The following FAM114A2 variants were observed in gnomAD, a reference collection of about 807,000 sequenced individuals.
FAM114A2 encodes protein FAM114A2.
Under a neutral mutation model 58.4 loss-of-function variants are expected in FAM114A2, and 53 were observed. The observed-to-expected ratio is 0.91, with a 90% confidence interval of 0.73 to 1.14. The LOEUF is 1.14. Ranked by LOEUF, FAM114A2 falls within the 50% of genes most tolerant of loss-of-function variation. The pLI, the probability that FAM114A2 is intolerant of heterozygous loss-of-function variation, is 0.00. For missense variants in FAM114A2, 601 were observed against 581.1 expected, an observed-to-expected ratio of 1.03 and a Z score of -0.35; for synonymous variants, 228 against 211.4, an observed-to-expected ratio of 1.08 and a Z score of -0.68.
At chr5:154,000,811 T>C (rs1019638058) in intron 11 of FAM114A2, among the ~76,000 whole-genome samples, 5 of 152,154 alleles carry the variant, frequency 3.3e-5, no homozygotes, top group Admixed American at 2.6e-4. Context: ...AAAATACATT[T>C]TAAGGAGACA....
At chr5:154,008,048 A>G (rs1371310097) in intron 9 of FAM114A2, among the ~76,000 whole-genome samples, 11 of 152,242 alleles carry the variant, frequency 7.2e-5, no homozygotes, top group Admixed American at 3.9e-4. Flanking sequence ...TAAGATACAC[A>G]TATTTTTTAA....
At chr5:154,038,740 C>T (rs1772783312) in intron 1 of FAM114A2, 117 bp downstream of exon 1, 1 of 152,444 alleles carries the variant, frequency 6.6e-6, no homozygotes. Flanking sequence ...AGCCCTCGAC[C>T]CTGCCGCGAG....
intron 4 of FAM114A2, 25 bp downstream of exon 4, chr5:154,033,766 G>A (rs1772344083): frequency 7.7e-7 from 1 of 1,303,184 alleles, no homozygotes; most frequent in African/African-American, 1.5e-5. Flanking sequence ...CATAATTCTA[G>A]GTCTTTATGT....
Position 154,002,263 on chromosome 5 carries a change from T to C in FAM114A2, c.1244A>G (p.Gln415Arg), listed in dbSNP as rs1267960052. The change falls in exon 11 of 14, where the codon CAA (glutamine) becomes CGA (arginine). Residue 415 changes from glutamine (Q) to arginine (R), a missense_variant. Physicochemically the swap from Gln to Arg is conservative, Grantham distance 43. Transcript: ENST00000351797. ...KQEVTAIERS[Q>R]TLSQMTIVLC... The stretch of plus-strand genomic sequence containing the variant: ...TCATTACACTTACTGGGAAAGAGTT[T>C]GGCTCCTTTCTATGGCTGTCACTTC... 3.7e-6 allele frequency: 6 copies of C among 1,613,786 alleles called. No individual in the cohort carries two copies. Among genetic ancestry groups the C allele is most frequent in the Non-Finnish European group, 5.1e-6 (6 of 1,179,770 alleles).
intron 4 of FAM114A2, 143 bp from the exon 5 acceptor site, chr5:154,029,723 G>T: frequency 1.3e-5 from 6 of 471,210 alleles, no homozygotes; most frequent in South Asian, 3.4e-5. Flanking sequence ...TAAACCATTT[G>T]CTTATTTTAA....
chr5:153,992,311 C>G lies in FAM114A2; in HGVS notation c.*665G>C, dbSNP rs1461010044. ...TCAGCTATGACATGAAGTGTGTCAT[C>G]CTGGGGAGGGGGAGCAATTTGAAGA... On this transcript the variant is annotated 3_prime_UTR_variant, in exon 14 of 14. Transcript: ENST00000351797. 4 of 152,110 alleles carry G rather than the reference C, an allele frequency of 2.6e-5. No individual in the cohort carries two copies. The East Asian group carries it at 7.7e-4, about 29-fold the overall frequency. 9.4% of individuals were successfully genotyped at this position (152,110 alleles called of 1,614,324 possible).
chr5:154,037,341 A>T (rs941488406), intron 1 of FAM114A2: 5 of 152,262 alleles, frequency 3.3e-5, no homozygotes, highest in African/African-American at 1.2e-4. Context: ...AAACACATAG[A>T]GAAAAAATCC....
intron 4 of FAM114A2, among the ~76,000 whole-genome samples, chr5:154,032,089 T>A (rs1208337120): frequency 6.6e-6 from 1 of 152,230 alleles, no homozygotes; most frequent in Non-Finnish European, 1.5e-5. Flanking sequence ...GTGGATTCAG[T>A]GAACACTGAT....
At chr5:153,997,995 T>A in intron 11 of FAM114A2, 120 bp from the exon 12 acceptor site, 1 of 631,774 alleles carries the variant, frequency 1.6e-6, no homozygotes, top group Non-Finnish European at 2.8e-6. Flanking sequence ...AAGAAAGCTT[T>A]TCAAGGGAGT....
chr5:154,019,749 C>A (rs941798144), intron 8 of FAM114A2, among the ~76,000 whole-genome samples: 6 of 152,180 alleles, frequency 3.9e-5, no homozygotes, highest in African/African-American at 1.2e-4. Context: ...GCCAACTGAT[C>A]TTTCACAAAG....
At chr5:153,994,856 G>T in intron 13 of FAM114A2, 63 bp downstream of exon 13, 1 of 1,067,084 alleles carries the variant, frequency 9.4e-7, no homozygotes, top group Non-Finnish European at 1.4e-6. Context: ...AAAGCAAAAG[G>T]CTTCAGAAGA....
Position 154,038,910 on chromosome 5 carries a change from T to G in FAM114A2, c.-68A>C, listed in dbSNP as rs1336141363. ...ACGGCAGCCGACTCGGCGTTCCTAC[T>G]GCCCCGGAAGTGCTCCTTCAGCGCA... On this transcript the variant is annotated 5_prime_UTR_variant, in exon 1 of 14. Coordinates refer to ENST00000351797, the MANE Select transcript of FAM114A2 (RefSeq NM_018691.4). The G allele has an allele frequency of 6.6e-6, 1 of 152,496 alleles. No individual in the cohort carries two copies. Among genetic ancestry groups the G allele is most frequent in the African/African-American group, 2.4e-5 (1 of 41,460 alleles). 9.4% of individuals were successfully genotyped at this position (152,496 alleles called of 1,614,324 possible).
rs1006906149 is a variant in FAM114A2 at position 153,992,586 on chromosome 5, A to C, written c.*390T>G. 6.4e-6 allele frequency: 1 copy of C among 155,682 alleles called. No homozygotes were observed. The highest frequency in any genetic ancestry group is 2.4e-5 in the African/African-American group (1 of 41,570). 9.6% of individuals were successfully genotyped at this position (155,682 alleles called of 1,614,324 possible). ...CATGCCATGAATTTTAGAACACTAA[A>C]TTATTTTTCTCTGGCTTATCAACCA... On this transcript the variant is annotated 3_prime_UTR_variant, in exon 14 of 14. Coordinates refer to ENST00000351797, the MANE Select transcript of FAM114A2 (RefSeq NM_018691.4).
Position 154,034,822 on chromosome 5 carries a change from TTCTGATTTACTC to T in FAM114A2, c.120_131del (p.Ser41_Glu44del). ...GTCTTTTCCGAGTGGAAACTACAGG[TTCTGATTTACTC>T]TCTGGTTTGGCACCTTGGTCAACAG... On this transcript the variant is annotated inframe_deletion, in exon 2 of 14. Transcript: ENST00000351797. 6.2e-7 allele frequency: 1 copy of T among 1,614,038 alleles called. No individual in the cohort carries two copies. The highest frequency in any genetic ancestry group is 8.5e-7 in the Non-Finnish European group (1 of 1,179,914).
intron 13 of FAM114A2, 151 bp from the exon 14 acceptor site, chr5:153,993,261 A>T: frequency 1.8e-6 from 1 of 548,722 alleles, no homozygotes; most frequent in Non-Finnish European, 3.1e-6. Context: ...ATTTTGGTAA[A>T]CTCTATTATA....
At chr5:154,031,783 C>G (rs1409674614) in intron 4 of FAM114A2, among the ~76,000 whole-genome samples, 1 of 152,210 alleles carries the variant, frequency 6.6e-6, no homozygotes, top group Non-Finnish European at 1.5e-5. Context: ...CAGATTCAAT[C>G]TCTTATAAGA....
At chr5:154,014,335 G>C (rs1292563576) in intron 8 of FAM114A2, among the ~76,000 whole-genome samples, 1 of 152,194 alleles carries the variant, frequency 6.6e-6, no homozygotes, top group African/African-American at 2.4e-5. Context: ...TGGATGGACA[G>C]AGCAGCGCGT....
intron 2 of FAM114A2, 45 bp downstream of exon 2, chr5:154,034,699 C>T (rs58100630): frequency 2.8e-5 from 39 of 1,376,102 alleles, no homozygotes; most frequent in Non-Finnish European, 3.8e-5. Context: ...TTTTTTAATC[C>T]TAATATTTTA....
intron 9 of FAM114A2, among the ~76,000 whole-genome samples, chr5:154,004,954 A>C (rs1025182752): frequency 2.6e-5 from 4 of 152,084 alleles, no homozygotes; most frequent in African/African-American, 7.2e-5. Flanking sequence ...CTACTTTTCC[A>C]GCCTCATCTC....
Sources: allele counts gnomAD v4.1 joint callset (sites outside exome capture counted in the v4.1 genomes callset), GRCh38; gene constraint gnomAD v4.1.1; transcripts MANE v1.5; gene names NCBI Gene and HGNC (gene_info 2026-07-23, HGNC 2026-07-21).